MICAL2: variants seen among roughly 807,000 people sequenced by gnomAD.
MICAL2 encodes microtubule associated monooxygenase, calponin and LIM domain containing 2, also known as [F-actin]-monooxygenase MICAL2.
Under a neutral mutation model 127.3 loss-of-function variants are expected in MICAL2, and 77 were observed. The ratio of observed to expected loss-of-function variants is 0.60; its 90% CI spans 0.50 to 0.73. MICAL2 has a LOEUF of 0.73. Ranked by LOEUF, MICAL2 falls within the 30% of genes least tolerant of loss-of-function variation. MICAL2 has a pLI of 0.00. For synonymous variants in MICAL2, 570 were observed against 551.1 expected (o/e 1.03, Z -0.48); for missense variants, 1,351 against 1,434.4 (o/e 0.94, Z 0.94).
intron 23 of MICAL2, chr11:12,256,113 G>A (rs1862294030): frequency 5.2e-6 from 1 of 191,738 alleles, no homozygotes; most frequent in African/African-American, 2.3e-5. Flanking sequence ...TGAGAAAAAG[G>A]TCATGGGGAA....
chr11:12,179,385 C>T (rs1477603598), intron 3 of MICAL2, among the ~76,000 whole-genome samples: 1 of 152,144 alleles, frequency 6.6e-6, no homozygotes, highest in Non-Finnish European at 1.5e-5. Flanking sequence ...CTCACCTTCT[C>T]CCCAGCAGCC....
At chr11:12,132,623 A>G (rs919646718) in intron 1 of MICAL2, among the ~76,000 whole-genome samples, 8 of 152,222 alleles carry the variant, frequency 5.3e-5, no homozygotes, top group African/African-American at 1.9e-4. Context: ...GCGGTGTGGC[A>G]TTATGAAGCC....
intron 1 of MICAL2, among the ~76,000 whole-genome samples, chr11:12,136,165 G>T (rs1851817262): frequency 6.6e-6 from 1 of 152,098 alleles, no homozygotes; most frequent in Non-Finnish European, 1.5e-5. Context: ...AGGGACCAGA[G>T]ACCTCGTGCT....
rs1478914919 is a variant in MICAL2, at chr11:12,243,989, T to C, written c.2661T>C (p.Asn887=). 1 of 1,613,932 alleles carries C rather than the reference T, an allele frequency of 6.2e-7. No homozygotes were observed. The highest frequency in any genetic ancestry group is 8.5e-7 in the Non-Finnish European group (1 of 1,179,798). The change falls in exon 21 of 28, where the codon AAT becomes AAC. Residue 887 remains asparagine (N), a splice_region_variant and synonymous_variant. Coordinates refer to ENST00000683283, the MANE Select transcript of MICAL2 (RefSeq NM_001282663.2). ...TCTTCTATTTCTGTTCTGTGCAGAA[T>C]AAACTACTCTCTAAAGGCCTGTCTC... ...SMFGHGDFPQ[N]KLLSKGLSHT...
rs182632001 is a variant in MICAL2 at position 12,212,408 on chromosome 11, C to T, written c.692-847C>T. ...GGAGGATCGCTTGACCCTGGGAGGT[C>T]GAGGCTGCAGTGAGCCATGATTGGC... On this transcript the variant is annotated intron_variant, in intron 6 of 27. Coordinates refer to ENST00000683283, the MANE Select transcript of MICAL2 (RefSeq NM_001282663.2). Among the ~76,000 whole-genome samples the T allele has an allele frequency of 8.5e-4, 130 of 152,100 alleles. 1 individual carries two copies. Among genetic ancestry groups the T allele is most frequent in the South Asian group, 4.0e-3 (19 of 4,802 alleles).
intron 3 of MICAL2, among the ~76,000 whole-genome samples, chr11:12,198,153 C>A (rs182255005): frequency 6.6e-6 from 1 of 152,224 alleles, no homozygotes; most frequent in Admixed American, 6.5e-5. Flanking sequence ...TGAGCATGTA[C>A]CCTGGAATCA....
rs920518379 is a variant in MICAL2, at chr11:12,355,152, T to C, written c.5689+295T>C. Among the ~76,000 whole-genome samples, 4 of 152,200 alleles carry C rather than the reference T, an allele frequency of 2.6e-5. No homozygotes were observed. In the East Asian group the frequency reaches 7.7e-4, roughly 29 times the overall value. ...TTTAACACACATTTACTGGGAACTATGGTCCTGGTTTATGATGAAGAGCAA... is the reference window on the plus strand; with the variant it reads ...TTTAACACACATTTACTGGGAACTACGGTCCTGGTTTATGATGAAGAGCAA... On this transcript the variant is annotated intron_variant, in intron 34 of 34. Coordinates refer to the MICAL2 transcript ENST00000646065.
At chr11:12,354,574 G>T (rs893143862) in intron 33 of MICAL2, among the ~76,000 whole-genome samples, 1 of 152,022 alleles carries the variant, frequency 6.6e-6, no homozygotes, top group African/African-American at 2.4e-5. Context: ...GGGGGCGAAG[G>T]TTGCAGTGAG....
In MICAL2 at chr11:12,162,417, A is replaced by T; in HGVS notation, c.262A>T (p.Lys88Ter). ...GCGAGGGAAGTCGTGCACGAACACC[A>T]AGGTAAGGGGAAACCCTCCTAGTCT... ...YKRGKSCTNT[K>*]CLIVGGGPCG... The change falls in exon 3 of 28, where the codon AAG becomes TAG. Residue 88 changes from lysine to a stop codon, truncating the protein, a stop_gained and splice_region_variant. Transcript: ENST00000683283. LOFTEE classifies it high-confidence loss of function. 6.2e-7 allele frequency: 1 copy of T among 1,614,138 alleles called. No individual in the cohort carries two copies. The highest frequency in any genetic ancestry group is 8.5e-7 in the Non-Finnish European group (1 of 1,179,972).
intron 23 of MICAL2, chr11:12,256,116 A>C (rs1011582139): frequency 1.1e-5 from 2 of 189,110 alleles, no homozygotes; most frequent in East Asian, 2.6e-4. Context: ...GAAAAAGGTC[A>C]TGGGGAAAAT....
chr11:12,182,204 C>T (rs1168034544), intron 3 of MICAL2, among the ~76,000 whole-genome samples: 2 of 152,046 alleles, frequency 1.3e-5, no homozygotes, highest in Non-Finnish European at 2.9e-5. Flanking sequence ...GAGAAGGTGT[C>T]CATAGGTTTT....
chr11:12,198,770 A>G (rs1279317565), intron 3 of MICAL2, among the ~76,000 whole-genome samples: 2 of 152,198 alleles, frequency 1.3e-5, no homozygotes, highest in Non-Finnish European at 1.5e-5. Flanking sequence ...GGAGGCTTGC[A>G]CTATCCAAGC....
chr11:12,172,772 C>T (rs1335116706), intron 3 of MICAL2, among the ~76,000 whole-genome samples: 2 of 152,076 alleles, frequency 1.3e-5, no homozygotes, highest in African/African-American at 4.8e-5. Flanking sequence ...CCACCCAGAA[C>T]AGGAGAGGTC....
chr11:12,209,046 G>A (rs1377728697), intron 5 of MICAL2, among the ~76,000 whole-genome samples: 3 of 151,978 alleles, frequency 2.0e-5, no homozygotes, highest in African/African-American at 4.8e-5. Flanking sequence ...AAAAGACAGT[G>A]TAGTGTACAA....
chr11:12,168,725 A>C (rs1855857002), intron 3 of MICAL2, among the ~76,000 whole-genome samples: 1 of 151,898 alleles, frequency 6.6e-6, no homozygotes, highest in Non-Finnish European at 1.5e-5. Context: ...TAACTCAAGT[A>C]GGGTAAGAAA....
At chr11:12,185,054 C>T (rs1245883299) in intron 3 of MICAL2, among the ~76,000 whole-genome samples, 1 of 63,068 alleles carries the variant, frequency 1.6e-5, no homozygotes, top group Non-Finnish European at 3.3e-5. Context: ...CCTAGAATAG[C>T]AGTTAGCTTT....
At chr11:12,289,129 G>C (rs1056414842), downstream of MICAL2, among the ~76,000 whole-genome samples, 3 of 152,244 alleles carry the variant, frequency 2.0e-5, no homozygotes. Context: ...CTACGAGAAA[G>C]GTTGCTGCTG....
intron 1 of MICAL2, among the ~76,000 whole-genome samples, chr11:12,133,213 C>T (rs943270733): frequency 4.6e-5 from 7 of 152,286 alleles, no homozygotes; most frequent in Admixed American, 3.3e-4. Flanking sequence ...TCCCAAGTAG[C>T]TGGGATTACA....
At chr11:12,178,161 G>A (rs540269234) in intron 3 of MICAL2, among the ~76,000 whole-genome samples, 2 of 152,252 alleles carry the variant, frequency 1.3e-5, no homozygotes, top group East Asian at 3.9e-4. Context: ...CTGCCATTAA[G>A]ACCCAAAAGG....
Sources: gnomAD v4.1 joint callset for allele counts (sites outside exome capture counted in the v4.1 genomes callset) on GRCh38, gnomAD v4.1.1 for gene constraint, MANE v1.5 for transcripts, NCBI Gene and HGNC (gene_info 2026-07-23, HGNC 2026-07-21) for gene names.